The following GDA variants were observed in gnomAD, a reference collection of about 807,000 sequenced individuals.
GDA encodes the protein cytoplasmic PSD-95 interactor.
Under a neutral mutation model 59.6 loss-of-function variants are expected in GDA, and 18 were observed. The ratio of observed to expected loss-of-function variants is 0.30; its 90% confidence interval spans 0.21 to 0.45. The LOEUF (loss-of-function observed/expected upper bound fraction) is 0.45. Among genes scored for constraint, GDA ranks in the 20% least tolerant of loss-of-function variants. The probability of loss-of-function intolerance (pLI) is 1.00; values close to 1 mark genes in which losing one functional copy is unlikely to be tolerated. For missense variants in GDA, 427 were observed against 552.3 expected, an observed-to-expected ratio of 0.77 and a Z score of 2.27; for synonymous variants, 201 against 201.1, an observed-to-expected ratio of 1.00 and a Z score of 0.00.
chr9:72,222,770 G>C (rs905007031), intron 6 of GDA, among the ~76,000 whole-genome samples: 2 of 150,156 alleles, frequency 1.3e-5, no homozygotes, highest in African/African-American at 2.5e-5. Flanking sequence ...GCAATGGTGA[G>C]ATCTCGGCTC....
At position 72,248,671 on chromosome 9, in the gene GDA, G is replaced by A. The variant is rs1840401129; in HGVS notation, c.*329G>A. The A allele has an allele frequency of 2.9e-6, 3 of 1,038,280 alleles. No individual in the cohort carries two copies. Among genetic ancestry groups the A allele is most frequent in the Admixed American group, 1.0e-4 (2 of 19,830 alleles). 64.3% of individuals were successfully genotyped at this position (1,038,280 alleles called of 1,614,324 possible). On this transcript the variant is annotated 3_prime_UTR_variant, in exon 14 of 14. Transcript: ENST00000358399. ...AAGCCTTTTTCATATTTGAAAATGT[G>A]GAAAGAAAAGATGTTCCTAAAAGGT...
chr9:72,132,007 T>A (rs1826041435), intron 1 of GDA, among the ~76,000 whole-genome samples: 2 of 152,196 alleles, frequency 1.3e-5, no homozygotes. Context: ...ACAGAGTTTC[T>A]GCACGGGAAC....
intron 1 of GDA, among the ~76,000 whole-genome samples, chr9:72,183,442 T>C (rs965629753): frequency 6.6e-6 from 1 of 151,920 alleles, no homozygotes; most frequent in Non-Finnish European, 1.5e-5. Context: ...GCCCACCTGC[T>C]GGGGCTATAT....
intron 1 of GDA, among the ~76,000 whole-genome samples, chr9:72,164,907 G>A (rs543072635): frequency 1.9e-4 from 28 of 150,490 alleles, no homozygotes; most frequent in African/African-American, 4.9e-4. Context: ...GGAGAATGGC[G>A]TGAAACCGGG....
rs1829567557 is a variant in GDA, at chr9:72,168,384, C to T, written c.123+18702C>T. Among the ~76,000 whole-genome samples, 3 of 132,444 alleles carry T rather than the reference C, an allele frequency of 2.3e-5. No homozygotes were observed. The South Asian group carries it at 7.0e-4, about 31-fold the overall frequency. The allele number at this position is 132,444 out of a possible 152,430, so 86.9% of individuals were successfully genotyped here. A position where few individuals can be genotyped will look rare whatever the true frequency, so the allele number is the denominator to read the frequency against. ...CTCCAAACTGGGCAACACACTGAGA[C>T]TTTGTCTTTTTTTTTTTTTTTTTTT... On this transcript the variant is annotated intron_variant, in intron 1 of 13. Coordinates refer to ENST00000358399, the MANE Select transcript of GDA (RefSeq NM_004293.5).
chr9:72,210,544 A>G (rs879820541), intron 3 of GDA, 143 bp from the exon 4 acceptor site: 13 of 578,950 alleles, frequency 2.2e-5, no homozygotes, highest in Non-Finnish European at 4.0e-5. Flanking sequence ...TTTGCCATTT[A>G]CCTAACTGTA....
At chr9:72,255,389 T>C (rs1407810268), downstream of GDA, among the ~76,000 whole-genome samples, 1 of 152,206 alleles carries the variant, frequency 6.6e-6, no homozygotes, top group Non-Finnish European at 1.5e-5. Context: ...TTGGTAGCCA[T>C]CTGCTGGTTC....
chr9:72,114,926 T>C (rs557151403), intron 1 of GDA: 1 of 152,320 alleles, frequency 6.6e-6, no homozygotes, highest in Admixed American at 6.5e-5. Flanking sequence ...AGGGGCTTAA[T>C]GGGACAGAGA....
At position 72,202,670 on chromosome 9, in the gene GDA, C is replaced by G. The variant is rs61758972; in HGVS notation, c.312C>G (p.Thr104=). The change falls in exon 3 of 14, where the codon ACC becomes ACG. Residue 104 remains threonine, a synonymous_variant. Transcript: ENST00000358399. The stretch of plus-strand genomic sequence containing the variant: ...ACCTGCCACTCTTGGAGTGGCTGAC[C>G]AAGTACACATTTCCTGCAGAACACA... ...SIDLPLLEWL[T]KYTFPAEHRF... 125 of 1,613,254 alleles carry G rather than the reference C, an allele frequency of 7.7e-5. No individual in the cohort carries two copies. Among genetic ancestry groups the G allele is most frequent in the Admixed American group, 1.7e-4 (10 of 60,004 alleles).
chr9:72,246,299 C>G (rs893371377), intron 12 of GDA, among the ~76,000 whole-genome samples: 1 of 152,142 alleles, frequency 6.6e-6, no homozygotes, highest in Admixed American at 6.6e-5. Context: ...AGGCGCCCAC[C>G]ACCACACCCA....
rs1840467621 is a variant in GDA, at chr9:72,249,366, A to G, written c.*1024A>G. On this transcript the variant is annotated 3_prime_UTR_variant, in exon 14 of 14. Coordinates refer to ENST00000358399, the MANE Select transcript of GDA (RefSeq NM_004293.5). ...TCAGTCTGCTAGAACTTTAAAATGA[A>G]GGACAAATCCTGTTAAAGAAATATT... The G allele has an allele frequency of 1.0e-6, 1 of 969,860 alleles. No homozygotes were observed. The highest frequency in any genetic ancestry group is 1.2e-6 in the Non-Finnish European group (1 of 815,930). 60.1% of individuals were successfully genotyped at this position (969,860 alleles called of 1,614,324 possible). A position where few individuals can be genotyped will look rare whatever the true frequency, so the allele number is the denominator to read the frequency against.
chr9:72,149,709 T>G (rs779274935), intron 1 of GDA, 27 bp downstream of exon 1: 5 of 1,576,314 alleles, frequency 3.2e-6, no homozygotes, highest in Non-Finnish European at 4.3e-6. Flanking sequence ...TCGAGCGCAC[T>G]CCGACGGGCG....
intron 9 of GDA, among the ~76,000 whole-genome samples, chr9:72,229,718 G>C (rs191237246): frequency 6.6e-6 from 1 of 152,308 alleles, no homozygotes; most frequent in East Asian, 1.9e-4. Context: ...CAAAGAGCTG[G>C]AGGCATTCAC....
At chr9:72,137,340 G>A (rs559277134) in intron 1 of GDA, among the ~76,000 whole-genome samples, 11 of 130,846 alleles carry the variant, frequency 8.4e-5, no homozygotes, top group South Asian at 2.7e-4. Context: ...TCCACCTCCC[G>A]GGTTCACACC....
intron 10 of GDA, among the ~76,000 whole-genome samples, chr9:72,232,602 A>T (rs1838484572): frequency 2.0e-5 from 3 of 152,184 alleles, no homozygotes. Flanking sequence ...TAATATGAAA[A>T]ATTTAGCAGA....
At chr9:72,198,861 A>ATATATATATATATATATATATATATATAT (rs1491123372) in intron 2 of GDA, among the ~76,000 whole-genome samples, 66 of 147,822 alleles carry the variant, frequency 4.5e-4, no homozygotes, top group African/African-American at 1.3e-3. Context: ...ATATATATAT[A>ATATATATATATATATATATATATATATAT]AAATTTTTTT....
intron 1 of GDA, among the ~76,000 whole-genome samples, chr9:72,152,778 G>A (rs1205662896): frequency 6.6e-6 from 1 of 152,142 alleles, no homozygotes; most frequent in African/African-American, 2.4e-5. Context: ...TTGCTGTGCA[G>A]AAGCTCTTTA....
intron 5 of GDA, among the ~76,000 whole-genome samples, chr9:72,215,347 T>C (rs1473288018): frequency 6.6e-6 from 1 of 151,652 alleles, no homozygotes; most frequent in Admixed American, 6.6e-5. Flanking sequence ...TTTTTTTTTG[T>C]AATGAAACCA....
intron 1 of GDA, among the ~76,000 whole-genome samples, chr9:72,126,180 C>T (rs999191600): frequency 4.6e-5 from 7 of 152,180 alleles, no homozygotes; most frequent in Non-Finnish European, 7.4e-5. Context: ...GGATTACGGA[C>T]GTGAGCCACT....
Sources: gnomAD v4.1 joint callset for allele counts (sites outside exome capture counted in the v4.1 genomes callset) on GRCh38, gnomAD v4.1.1 for gene constraint, MANE v1.5 for transcripts, NCBI Gene and HGNC (gene_info 2026-07-23, HGNC 2026-07-21) for gene names.